SLC22A11: variants seen among roughly 807,000 people sequenced by gnomAD.
SLC22A11 encodes solute carrier family 22 member 11.
SLC22A11 carries 42 observed loss-of-function variants against 49.4 expected under a neutral mutation model. That is an observed-to-expected ratio of 0.85 (90% CI 0.66 to 1.10). SLC22A11 has a LOEUF of 1.10. Ranked by LOEUF, SLC22A11 falls within the 50% of genes least tolerant of loss-of-function variation. SLC22A11 has a pLI of 0.00. For missense variants in SLC22A11, 685 were observed against 731.6 expected (o/e 0.94, Z 0.74); for synonymous variants, 304 against 315.8 (o/e 0.96, Z 0.40).
At chr11:64,566,212 C>T (rs936333925) in intron 6 of SLC22A11, 12 of 151,356 alleles carry the variant, frequency 7.9e-5, no homozygotes, top group African/African-American at 2.9e-4. Context: ...TGCTACTGCA[C>T]TCCAGCCTGG....
At position 64,568,776 on chromosome 11, in the gene SLC22A11, G is replaced by A. The variant is rs888075696; in HGVS notation, c.1380G>A (p.Val460=). The A allele has an allele frequency of 2.3e-5, 37 of 1,613,178 alleles. No homozygotes were observed. Among genetic ancestry groups the A allele is most frequent in the South Asian group, 3.3e-5 (3 of 91,078 alleles). Residue 460 remains valine (V), a splice_region_variant and synonymous_variant, in exon 8 of 10, where the codon GTG becomes GTA. Coordinates refer to ENST00000301891, the MANE Select transcript of SLC22A11 (RefSeq NM_018484.4). ...IYKAELFPTP[V]RMTADGILHT... is the part of the protein sequence containing the mutation. ...AGGCTGAACTCTTTCCAACGCCAGT[G>A]CGGTAAGCTGGGCTGCAGGCCATGC... is the stretch of plus-strand genomic sequence containing the variant.
At chr11:64,563,220 G>A (rs531088499) in intron 4 of SLC22A11, among the ~76,000 whole-genome samples, 1 of 152,290 alleles carries the variant, frequency 6.6e-6, no homozygotes, top group South Asian at 2.1e-4. Context: ...TCCCCGCCAC[G>A]CTGATCAGGT....
rs77918613 is a variant in SLC22A11, at chr11:64,568,898, C to A, written c.1382+120C>A. The A allele has an allele frequency of 1.7e-3, 1,322 of 790,388 alleles. 8 individuals are homozygous for A. The highest frequency in any genetic ancestry group is 9.4e-3 in the African/African-American group (558 of 59,140). 49.0% of individuals were successfully genotyped at this position (790,388 alleles called of 1,614,324 possible). ...AGCCAGGGCCGCTCAGGGTCCCCCC[C>A]AGGACAGCTCTTCCCCTTGAGAGTC... On this transcript the variant is annotated intron_variant, in intron 8 of 9. Transcript: ENST00000301891.
chr11:64,569,591 G>A, intron 8 of SLC22A11, 61 bp from the exon 9 acceptor site: 1 of 1,538,332 alleles, frequency 6.5e-7, no homozygotes, highest in South Asian at 1.2e-5. Flanking sequence ...GTGAGCCCAG[G>A]ATGTCTTCCT....
chr11:64,568,677 G>C lies in SLC22A11; in HGVS notation c.1281G>C (p.Gln427His), dbSNP rs750458672. ...LANMLVPQDLQTLRVVFAVLG... is the reference protein window; with the variant it reads ...LANMLVPQDLHTLRVVFAVLG... The stretch of plus-strand genomic sequence containing the variant: ...CCCCCTTCCTGTACCCAGATTTGCA[G>C]ACCCTGCGTGTGGTCTTTGCTGTGC... Residue 427 changes from glutamine (Q) to histidine (H), a missense_variant, in exon 8 of 10, where the codon CAG (glutamine) becomes CAC (histidine). By Grantham distance (24) the Gln-to-His change is conservative. Transcript: ENST00000301891. 40 of 1,613,968 alleles carry C rather than the reference G, an allele frequency of 2.5e-5. No homozygotes were observed. The South Asian group carries it at 4.1e-4, about 16-fold the overall frequency.
At chr11:64,570,839 C>T in intron 9 of SLC22A11, 140 bp from the exon 10 acceptor site, 1 of 713,078 alleles carries the variant, frequency 1.4e-6, no homozygotes. Flanking sequence ...AGGCACTGTC[C>T]CGCTTGGGTA....
chr11:64,557,268 G>A (rs1357983507), intron 1 of SLC22A11, among the ~76,000 whole-genome samples: 2 of 152,248 alleles, frequency 1.3e-5, no homozygotes, highest in Non-Finnish European at 2.9e-5. Flanking sequence ...GGCTGTCCCA[G>A]CGCACACAGC....
chr11:64,565,546 G>T lies in SLC22A11; in HGVS notation c.1058+209G>T, dbSNP rs1355505228. ...GACTATGCACAGGTGGGATCTGGAG[G>T]CTGCCATCTGCAGGAAGCCAGAGGA... On this transcript the variant is annotated intron_variant, in intron 6 of 9. Coordinates refer to ENST00000301891, the MANE Select transcript of SLC22A11 (RefSeq NM_018484.4). This position sits in a 1 kb window ranked among gnomAD's most constrained non-coding sequence, Gnocchi z 4.1. 5 of 639,198 alleles carry T rather than the reference G, an allele frequency of 7.8e-6. No individual in the cohort carries two copies. In the East Asian group the frequency reaches 1.6e-4, roughly 20 times the overall value. The allele number at this position is 639,198 out of a possible 1,614,324, so 39.6% of individuals were successfully genotyped here. A position where few individuals can be genotyped will look rare whatever the true frequency, so the allele number is the denominator to read the frequency against.
At position 64,572,097 on chromosome 11, in the gene SLC22A11, C is replaced by T. The variant is rs1425950564; in HGVS notation, c.*1055C>T. The T allele has an allele frequency of 6.6e-6, 1 of 152,310 alleles. No individual in the cohort carries two copies. Among genetic ancestry groups the T allele is most frequent in the Admixed American group, 6.5e-5 (1 of 15,292 alleles). 9.4% of individuals were successfully genotyped at this position (152,310 alleles called of 1,614,324 possible). On this transcript the variant is annotated 3_prime_UTR_variant, in exon 10 of 10. Transcript: ENST00000301891. Reference sequence around the variant, plus strand: ...AGCTCACAGGCAGGCCTGCCAAGGCCTTCTGGCTTTGCCAGATGTCAAGGG... The same window carrying T: ...AGCTCACAGGCAGGCCTGCCAAGGCTTTCTGGCTTTGCCAGATGTCAAGGG...
intron 2 of SLC22A11, among the ~76,000 whole-genome samples, chr11:64,560,433 C>T (rs972043636): frequency 5.3e-5 from 8 of 152,160 alleles, no homozygotes; most frequent in Non-Finnish European, 8.8e-5. Flanking sequence ...CCCTGCCCTG[C>T]GCTGGGCTTC....
intron 1 of SLC22A11, among the ~76,000 whole-genome samples, chr11:64,557,287 C>T (rs2038475653): frequency 6.6e-6 from 1 of 152,224 alleles, no homozygotes; most frequent in Non-Finnish European, 1.5e-5. Context: ...GCTAGAGTGT[C>T]CCAGAGCCTG....
In SLC22A11 at chr11:64,569,726, G is replaced by A. The variant is rs868032143; in HGVS notation, c.1457G>A (p.Arg486His). The A allele has an allele frequency of 5.0e-6, 8 of 1,613,980 alleles. No homozygotes were observed. The highest frequency in any genetic ancestry group is 2.7e-5 in the African/African-American group (2 of 74,904). Reference protein sequence around the residue: ...AMMGPLILMSRQALPLLPPLL... With the variant: ...AMMGPLILMSHQALPLLPPLL... ...ATGGGTCCCCTGATCCTGATGAGCC[G>A]CCAAGCCCTGCCCCTGCTGCCTCCT... Residue 486 changes from arginine (R) to histidine (H), a missense_variant, in exon 9 of 10, where the codon CGC becomes CAC. Arg to His is a conservative substitution (Grantham distance 29). Coordinates refer to ENST00000301891, the MANE Select transcript of SLC22A11 (RefSeq NM_018484.4).
intron 2 of SLC22A11, among the ~76,000 whole-genome samples, chr11:64,561,600 C>T (rs1429195596): frequency 6.7e-6 from 1 of 149,024 alleles, no homozygotes; most frequent in Non-Finnish European, 1.5e-5. Flanking sequence ...AGACACCTGG[C>T]TAATTTATTT....
In SLC22A11 at chr11:64,572,421, A is replaced by G. The variant is rs1176146601; in HGVS notation, c.*1379A>G. 2.6e-5 allele frequency: 4 copies of G among 152,180 alleles called. No homozygotes were observed. The highest frequency in any genetic ancestry group is 4.4e-5 in the Non-Finnish European group (3 of 68,114). 9.4% of individuals were successfully genotyped at this position (152,180 alleles called of 1,614,324 possible). On this transcript the variant is annotated 3_prime_UTR_variant, in exon 10 of 10. Coordinates refer to ENST00000301891, the MANE Select transcript of SLC22A11 (RefSeq NM_018484.4). Reference sequence around the variant, plus strand: ...TCGTCTCCAACCCTCCATGCCACTGATATCTGTGGCCCTGCCACAAAGTTA... The same window carrying G: ...TCGTCTCCAACCCTCCATGCCACTGGTATCTGTGGCCCTGCCACAAAGTTA...
In SLC22A11 at chr11:64,561,947, A is replaced by G. The variant is rs1367746469; in HGVS notation, c.498-57A>G. On this transcript the variant is annotated intron_variant, in intron 2 of 9. Transcript: ENST00000301891. ...TCCCAGAAGGCAAGTACCTGCCCAC[A>G]TATCCACGTCCTCAGGGGCCCCTCT... is the stretch of plus-strand genomic sequence containing the variant. 2.6e-6 allele frequency: 4 copies of G among 1,552,428 alleles called. No individual in the cohort carries two copies. The East Asian group carries it at 9.1e-5, about 35-fold the overall frequency.
Position 64,565,087 on chromosome 11 carries a change from G to A in SLC22A11, c.943-135G>A. On this transcript the variant is annotated intron_variant, in intron 5 of 9. Coordinates refer to ENST00000301891, the MANE Select transcript of SLC22A11 (RefSeq NM_018484.4). This position sits in a 1 kb window ranked among gnomAD's most constrained non-coding sequence, Gnocchi z 4.1. ...TGCCCCATCCCCTCCCCTTCCCCTA[G>A]GGATCCAGCTTCCAGAGGCCGAGGC... The A allele has an allele frequency of 1.5e-6, 1 of 661,474 alleles. No individual in the cohort carries two copies. The highest frequency in any genetic ancestry group is 2.6e-6 in the Non-Finnish European group (1 of 389,424). The allele number at this position is 661,474 out of a possible 1,614,324, so 41.0% of individuals were successfully genotyped here. A position where few individuals can be genotyped will look rare whatever the true frequency, so the allele number is the denominator to read the frequency against.
rs775099428 is a variant in SLC22A11, at chr11:64,562,469, C to A, written c.821+34C>A. ...GATGTGGGACCTTTTCCTTAGGAGA[C>A]CCAGGGTGGGAGGGGGACTCTTCAC... On this transcript the variant is annotated intron_variant, in intron 4 of 9. Transcript: ENST00000301891. The surrounding 1 kb of genome is among the most constrained non-coding windows in gnomAD (Gnocchi z 4.4). 3 of 1,507,786 alleles carry A rather than the reference C, an allele frequency of 2.0e-6. No homozygotes were observed. The highest frequency in any genetic ancestry group is 4.4e-5 in the Admixed American group (2 of 45,244). The allele number at this position is 1,507,786 out of a possible 1,614,324, so 93.4% of individuals were successfully genotyped here.
In SLC22A11 at chr11:64,565,314, G is replaced by C. The variant is rs1357592237; in HGVS notation, c.1035G>C (p.Arg345Ser). 1 of 1,550,288 alleles carries C rather than the reference G, an allele frequency of 6.5e-7. No homozygotes were observed. The highest frequency in any genetic ancestry group is 8.7e-7 in the Non-Finnish European group (1 of 1,147,256). Reference sequence around the variant, plus strand: ...TCTGCGTGCCCGTGCTCCGCTGGAGGAGCTGCGCCATGCTGGTGGTGAAGT... The same window carrying C: ...TCTGCGTGCCCGTGCTCCGCTGGAGCAGCTGCGCCATGCTGGTGGTGAAGT... ...DLFCVPVLRW[R>S]SCAMLVVNFS... Residue 345 changes from arginine to serine, a missense_variant, in exon 6 of 10, where the codon AGG becomes AGC. Transcript: ENST00000301891. The surrounding 1 kb of genome is among the most constrained non-coding windows in gnomAD (Gnocchi z 4.1).
In SLC22A11 at chr11:64,565,320, CGCCAT is replaced by C. The variant is rs531020386; in HGVS notation, c.1044_1048del (p.Met349GlyfsTer23). On this transcript the variant is annotated frameshift_variant, in exon 6 of 10. Transcript: ENST00000301891. LOFTEE classifies it high-confidence loss of function. The surrounding 1 kb of genome is among the most constrained non-coding windows in gnomAD (Gnocchi z 4.1). ...TGCCCGTGCTCCGCTGGAGGAGCTG[CGCCAT>C]GCTGGTGGTGAAGTACGCCGTCCTG... The C allele has an allele frequency of 1.9e-6, 3 of 1,549,792 alleles. No homozygotes were observed. The East Asian group carries it at 7.3e-5, about 38-fold the overall frequency.
Sources: allele counts gnomAD v4.1 joint callset (sites outside exome capture counted in the v4.1 genomes callset), GRCh38; gene constraint gnomAD v4.1.1; non-coding constraint Gnocchi (gnomAD v3.1); transcripts MANE v1.5; gene names NCBI Gene and HGNC (gene_info 2026-07-23, HGNC 2026-07-21).